Variants in EMSY observed in about 807,000 individuals in gnomAD.
EMSY encodes EMSY transcriptional repressor, BRCA2 interacting.
In EMSY, 26 loss-of-function variants were observed where a neutral mutation model predicts 134.6. The observed-to-expected ratio is 0.19, with a 90% confidence interval of 0.14 to 0.27. EMSY has a LOEUF of 0.27. EMSY is among the 10% of genes least tolerant of loss of function. The pLI is 1.00. For synonymous variants in EMSY, 579 were observed against 577.8 expected, an observed-to-expected ratio of 1.00 and a Z score of -0.03; for missense variants, 1,305 against 1,611.4, an observed-to-expected ratio of 0.81 and a Z score of 3.26.
chr11:76,502,506 A>G (rs950322334), intron 9 of EMSY, among the ~76,000 whole-genome samples: 1 of 149,930 alleles, frequency 6.7e-6, no homozygotes, highest in Admixed American at 6.6e-5. Context: ...CCCTATTTGC[A>G]GATCACATGA....
intron 8 of EMSY, among the ~76,000 whole-genome samples, chr11:76,475,306 G>A (rs1316779684): frequency 6.6e-6 from 1 of 152,142 alleles, no homozygotes; most frequent in African/African-American, 2.4e-5. Flanking sequence ...GTTTTTCTAA[G>A]GTAGATGGTA....
intron 20 of EMSY, among the ~76,000 whole-genome samples, chr11:76,546,648 G>A (rs1020344487): frequency 1.1e-4 from 17 of 152,034 alleles, no homozygotes; most frequent in African/African-American, 4.1e-4. Context: ...TTCAAATTTT[G>A]TACTCCTCAA....
intron 10 of EMSY, among the ~76,000 whole-genome samples, chr11:76,515,205 T>TTG (rs1950407487): frequency 7.4e-6 from 1 of 134,586 alleles, no homozygotes; most frequent in African/African-American, 2.8e-5. Context: ...AAGCATTTTT[T>TTG]TGGGGGGGGG....
exon 19 of EMSY, chr11:76,544,631 A>C: frequency 6.2e-7 from 1 of 1,614,114 alleles, no homozygotes; most frequent in African/African-American, 1.3e-5. Context: ...CATGGTGGCC[A>C]AAGACAGGCA....
intron 19 of EMSY, 66 bp from the exon 21 acceptor site, chr11:76,545,731 G>C: frequency 1.0e-5 from 15 of 1,497,554 alleles, no homozygotes; most frequent in Non-Finnish European, 1.4e-5. Context: ...ATATTGTCTG[G>C]GGTGTTTGAT....
intron 7 of EMSY, among the ~76,000 whole-genome samples, chr11:76,466,337 T>C (rs1948351246): frequency 6.6e-6 from 1 of 152,222 alleles, no homozygotes; most frequent in Non-Finnish European, 1.5e-5. Flanking sequence ...GCAGGCTGCC[T>C]TATTTTTTGT....
chr11:76,448,349 C>T (rs1477535406), intron 2 of EMSY, among the ~76,000 whole-genome samples: 2 of 150,982 alleles, frequency 1.3e-5, no homozygotes, highest in East Asian at 3.9e-4. Context: ...TTTAACCAAA[C>T]TTTTAGTCCT....
chr11:76,474,002 C>T (rs1034405618), intron 8 of EMSY, among the ~76,000 whole-genome samples: 2 of 151,386 alleles, frequency 1.3e-5, no homozygotes, highest in Non-Finnish European at 2.9e-5. Flanking sequence ...TGGTAGTGCA[C>T]ACCTGTAATC....
At chr11:76,472,623 C>T (rs1948618250) in exon 8 of EMSY, 1 of 1,613,908 alleles carries the variant, frequency 6.2e-7, no homozygotes, top group Admixed American at 1.7e-5. Context: ...TCTCCAAATC[C>T]CATAACTATG....
At chr11:76,456,538 A>G (rs1311203023) in intron 4 of EMSY, among the ~76,000 whole-genome samples, 5 of 152,196 alleles carry the variant, frequency 3.3e-5, no homozygotes, top group African/African-American at 1.2e-4. Flanking sequence ...TAAGCCAAGA[A>G]TATGCTGAAT....
At chr11:76,492,885 C>G (rs913705557) in intron 8 of EMSY, among the ~76,000 whole-genome samples, 8 of 152,130 alleles carry the variant, frequency 5.3e-5, no homozygotes, top group African/African-American at 1.7e-4. Flanking sequence ...TCTGGCCCGC[C>G]TGTGGCCACC....
chr11:76,479,211 T>C (rs1948877751), intron 8 of EMSY, among the ~76,000 whole-genome samples: 1 of 152,188 alleles, frequency 6.6e-6, no homozygotes, highest in South Asian at 2.1e-4. Context: ...TCTGAAATGC[T>C]CTAAAATCTG....
At chr11:76,539,729 C>T (rs1951362176) in intron 17 of EMSY, 89 bp downstream of exon 18, 2 of 1,233,860 alleles carry the variant, frequency 1.6e-6, no homozygotes, top group Admixed American at 3.4e-5. Context: ...GCTCTACTCT[C>T]ATCTGGTAGA....
intron 8 of EMSY, among the ~76,000 whole-genome samples, chr11:76,481,507 C>T (rs1439939162): frequency 4.6e-5 from 7 of 152,336 alleles, no homozygotes; most frequent in Middle Eastern, 3.4e-3. Flanking sequence ...TTGAAATTCT[C>T]GCTGCCAGCA....
At chr11:76,498,508 C>T (rs770874890) in intron 9 of EMSY, among the ~76,000 whole-genome samples, 3 of 152,128 alleles carry the variant, frequency 2.0e-5, no homozygotes, top group Non-Finnish European at 4.4e-5. Context: ...TTTGATATAT[C>T]TATTGTTTGA....
At chr11:76,471,201 A>T (rs1948555253) in intron 7 of EMSY, among the ~76,000 whole-genome samples, 1 of 152,104 alleles carries the variant, frequency 6.6e-6, no homozygotes, top group South Asian at 2.1e-4. Context: ...TAATAGGTAG[A>T]GTAATGATTT....
intron 2 of EMSY, among the ~76,000 whole-genome samples, chr11:76,449,260 G>A (rs373807292): frequency 4.1e-4 from 62 of 152,308 alleles, no homozygotes; most frequent in African/African-American, 1.5e-3. Context: ...ATCAACAAAT[G>A]TGAAGGAGGT....
chr11:76,511,660 A>G (rs1950282233), intron 9 of EMSY, among the ~76,000 whole-genome samples: 1 of 152,172 alleles, frequency 6.6e-6, no homozygotes, highest in Non-Finnish European at 1.5e-5. Flanking sequence ...AGATTGCACC[A>G]CTGTACTCCA....
exon 7 of EMSY, chr11:76,464,023 T>C (rs368597120): frequency 1.2e-4 from 189 of 1,614,106 alleles, no homozygotes; most frequent in Non-Finnish European, 9.7e-5. Flanking sequence ...ACATGTCTCC[T>C]GTAAAAATAA....
Sources: gnomAD v4.1 joint callset for allele counts (sites outside exome capture counted in the v4.1 genomes callset) on GRCh38, gnomAD v4.1.1 for gene constraint, MANE v1.5 for transcripts, NCBI Gene and HGNC (gene_info 2026-07-23, HGNC 2026-07-21) for gene names.